The following ROR2 variants were observed in gnomAD, a reference collection of about 807,000 sequenced individuals.
The protein encoded by ROR2 is ROR family WNT receptor 2.
ROR2 carries 33 observed loss-of-function variants against 74.9 expected under a neutral mutation model. That is an observed-to-expected ratio of 0.44 (90% CI 0.33 to 0.59). ROR2 has a LOEUF of 0.59. ROR2 is among the 20% of genes least tolerant of loss of function. ROR2 has a pLI of 0.02. For missense variants in ROR2, 1,216 were observed against 1,313.8 expected, an observed-to-expected ratio of 0.93 and a Z score of 1.15; for synonymous variants, 586 against 558.7, an observed-to-expected ratio of 1.05 and a Z score of -0.69.
chr9:91,873,056 G>T (rs536213663), intron 1 of ROR2, among the ~76,000 whole-genome samples: 19 of 152,246 alleles, frequency 1.2e-4, no homozygotes, highest in South Asian at 1.2e-3. Context: ...TCATACTTTC[G>T]ATTCCAACAG....
At chr9:91,795,629 A>C (rs1300579021) in intron 1 of ROR2, among the ~76,000 whole-genome samples, 1 of 152,206 alleles carries the variant, frequency 6.6e-6, no homozygotes, top group Non-Finnish European at 1.5e-5. Context: ...TGAGACTCAT[A>C]AACTCATAAA....
At chr9:91,767,757 G>C (rs1465247050) in intron 2 of ROR2, among the ~76,000 whole-genome samples, 1 of 152,252 alleles carries the variant, frequency 6.6e-6, no homozygotes, top group African/African-American at 2.4e-5. Context: ...AAGGATGGGA[G>C]TCAGATAAAA....
chr9:91,831,415 G>A (rs1490888045), intron 1 of ROR2, among the ~76,000 whole-genome samples: 1 of 152,148 alleles, frequency 6.6e-6, no homozygotes, highest in Non-Finnish European at 1.5e-5. Context: ...GTGGAAATGA[G>A]GTGAGGATTC....
intron 1 of ROR2, among the ~76,000 whole-genome samples, chr9:91,833,139 G>A (rs1296000793): frequency 6.6e-6 from 1 of 152,178 alleles, no homozygotes; most frequent in Non-Finnish European, 1.5e-5. Flanking sequence ...GTGGGCAAGA[G>A]GCATGGCATC....
chr9:91,766,330 T>A (rs936571027), intron 2 of ROR2, among the ~76,000 whole-genome samples: 1 of 152,234 alleles, frequency 6.6e-6, no homozygotes, highest in South Asian at 2.1e-4. Flanking sequence ...CTACCTCAAG[T>A]GGCTTCTGCT....
intron 1 of ROR2, chr9:91,948,732 G>T (rs1832078968): frequency 3.0e-6 from 3 of 985,364 alleles, no homozygotes; most frequent in Non-Finnish European, 3.6e-6. Flanking sequence ...GGAGTGCAGG[G>T]ATGGGGGATA....
intron 1 of ROR2, among the ~76,000 whole-genome samples, chr9:91,789,548 A>C (rs775613632): frequency 6.6e-6 from 1 of 152,190 alleles, no homozygotes; most frequent in Non-Finnish European, 1.5e-5. Flanking sequence ...TGACACTAAT[A>C]GTTCAAAAGA....
intron 1 of ROR2, among the ~76,000 whole-genome samples, chr9:91,870,405 G>A (rs1368947830): frequency 6.6e-6 from 1 of 152,210 alleles, no homozygotes; most frequent in Non-Finnish European, 1.5e-5. Flanking sequence ...GCTGGGCAAG[G>A]ATAGCCAGAC....
At chr9:91,908,288 T>A (rs943383364) in intron 1 of ROR2, among the ~76,000 whole-genome samples, 1 of 152,200 alleles carries the variant, frequency 6.6e-6, no homozygotes, top group Non-Finnish European at 1.5e-5. Flanking sequence ...CCGCAGCACA[T>A]CCAGCTTGAG....
rs57475950 is a variant in ROR2, at chr9:91,867,656, C to CTGTGTGTGTGTGTGTG, written c.97+82195_97+82210dup. Among the ~76,000 whole-genome samples, 1,053 of 131,360 alleles carry CTGTGTGTGTGTGTGTG rather than the reference C, an allele frequency of 8.0e-3. 11 individuals carry two copies. Among genetic ancestry groups the CTGTGTGTGTGTGTGTG allele is most frequent in the African/African-American group, 0.012 (425 of 34,820 alleles). The allele number at this position is 131,360 out of a possible 152,430, so 86.2% of individuals were successfully genotyped here. A position where few individuals can be genotyped will look rare whatever the true frequency, so the allele number is the denominator to read the frequency against. ...ACAAGTTCCTGAGACCACCCATGAG[C>CTGTGTGTGTGTGTGTG]TGTGTGTGTGTGTGTGTGTGTGTGT... is the stretch of plus-strand genomic sequence containing the variant. On this transcript the variant is annotated intron_variant, in intron 1 of 8. Coordinates refer to ENST00000375708, the MANE Select transcript of ROR2 (RefSeq NM_004560.4).
chr9:91,833,055 A>G (rs970608118), intron 1 of ROR2, among the ~76,000 whole-genome samples: 5 of 152,126 alleles, frequency 3.3e-5, no homozygotes, highest in African/African-American at 1.2e-4. Context: ...GGGCTCCCCT[A>G]AGCCCTGCAA....
chr9:91,740,985 C>G (rs1391270776), intron 4 of ROR2, among the ~76,000 whole-genome samples: 1 of 152,054 alleles, frequency 6.6e-6, no homozygotes, highest in Non-Finnish European at 1.5e-5. Flanking sequence ...AAGTGATTGT[C>G]AGGGAGGAGA....
In ROR2 at chr9:91,724,847, CA is replaced by C; in HGVS notation, c.1646del (p.Leu549ArgfsTer3). On this transcript the variant is annotated frameshift_variant, in exon 9 of 9. Coordinates refer to ENST00000375708, the MANE Select transcript of ROR2 (RefSeq NM_004560.4). LOFTEE classifies it high-confidence loss of function. ...GCGAACAGTAGCTGAAGATCATGCT[CA>C]GGGGCTGGTCCTTGGTCACCACGCC... Reference protein sequence around the residue: ...LLGVVTKDQPLSMIFSYCSHG... With the variant: ...LLGVVTKDQPXSMIFSYCSHG... The C allele has an allele frequency of 6.2e-7, 1 of 1,603,214 alleles. No individual in the cohort carries two copies. Among genetic ancestry groups the C allele is most frequent in the East Asian group, 2.2e-5 (1 of 44,700 alleles).
chr9:91,754,963 C>T (rs1825699185), intron 4 of ROR2, among the ~76,000 whole-genome samples: 2 of 152,212 alleles, frequency 1.3e-5, no homozygotes, highest in African/African-American at 2.4e-5. Flanking sequence ...CCAGTCTGGA[C>T]AGCATAGTGA....
At chr9:91,942,542 CT>C (rs1831901739) in intron 1 of ROR2, among the ~76,000 whole-genome samples, 1 of 152,164 alleles carries the variant, frequency 6.6e-6, no homozygotes, top group African/African-American at 2.4e-5. Context: ...TCAGTTGGCA[CT>C]TTGCTCTAGG....
chr9:91,916,135 G>A (rs1158924294), intron 1 of ROR2, among the ~76,000 whole-genome samples: 1 of 152,196 alleles, frequency 6.6e-6, no homozygotes, highest in African/African-American at 2.4e-5. Flanking sequence ...AGGAAGAAGG[G>A]AGGGAAGGGT....
chr9:91,897,343 C>G (rs992223668), intron 1 of ROR2, among the ~76,000 whole-genome samples: 8 of 152,352 alleles, frequency 5.3e-5, no homozygotes, highest in African/African-American at 1.9e-4. Context: ...ACATGCCTAT[C>G]CCACTTGTAC....
chr9:91,873,248 A>G (rs1396118143), intron 1 of ROR2, among the ~76,000 whole-genome samples: 1 of 152,106 alleles, frequency 6.6e-6, no homozygotes, highest in Non-Finnish European at 1.5e-5. Flanking sequence ...ATGTCCCACT[A>G]GACTACTACT....
At chr9:91,843,356 G>A (rs1828839243) in intron 1 of ROR2, among the ~76,000 whole-genome samples, 1 of 152,242 alleles carries the variant, frequency 6.6e-6, no homozygotes, top group Admixed American at 6.5e-5. Context: ...GGGCAGGTCA[G>A]GTGCATGACC....
Sources: allele counts gnomAD v4.1 joint callset (sites outside exome capture counted in the v4.1 genomes callset), GRCh38; gene constraint gnomAD v4.1.1; transcripts MANE v1.5; gene names NCBI Gene and HGNC (gene_info 2026-07-23, HGNC 2026-07-21).